Variants in NUBPL observed in about 807,000 individuals in gnomAD.
NUBPL encodes iron-sulfur cluster transfer protein NUBPL.
Under a neutral mutation model 45.7 loss-of-function variants are expected in NUBPL, and 31 were observed. The observed-to-expected ratio is 0.68, with a 90% CI of 0.51 to 0.92. The LOEUF is 0.92. Ranked by LOEUF, NUBPL falls within the 40% of genes least tolerant of loss-of-function variation. The pLI is 0.00. For missense variants in NUBPL, 401 were observed against 398.7 expected (o/e 1.01, Z -0.05); for synonymous variants, 144 against 140.9 (o/e 1.02, Z -0.15).
At chr14:31,564,913 T>C in intron 2 of NUBPL, 101 bp from the exon 3 acceptor site, 1 of 690,634 alleles carries the variant, frequency 1.4e-6, no homozygotes. Flanking sequence ...ATATTAAAAT[T>C]ACATGAAATT....
At chr14:31,729,275 TC>T (rs369958143) in intron 6 of NUBPL, among the ~76,000 whole-genome samples, 11,091 of 55,464 alleles carry the variant, frequency 0.2, 663 homozygotes, top group African/African-American at 0.26. Flanking sequence ...AGATGCTCCA[TC>T]CCCCCCCCCC....
intron 3 of NUBPL, among the ~76,000 whole-genome samples, chr14:31,593,817 A>G (rs2034212718): frequency 6.6e-6 from 1 of 152,122 alleles, no homozygotes; most frequent in Non-Finnish European, 1.5e-5. Context: ...TTTCTGGTTG[A>G]GGGAATAGCA....
intron 10 of NUBPL, among the ~76,000 whole-genome samples, chr14:31,857,357 C>T (rs2040639439): frequency 6.6e-6 from 1 of 152,140 alleles, no homozygotes; most frequent in Non-Finnish European, 1.5e-5. Context: ...GCCTCCAGAC[C>T]TGTGATGGGA....
At chr14:31,726,393 GA>G (rs2037925243) in intron 6 of NUBPL, among the ~76,000 whole-genome samples, 1 of 152,184 alleles carries the variant, frequency 6.6e-6, no homozygotes, top group Admixed American at 6.5e-5. Context: ...ATCCAAGGGT[GA>G]AAACTACTGG....
At chr14:31,740,849 C>A (rs2038267488) in intron 6 of NUBPL, among the ~76,000 whole-genome samples, 1 of 152,156 alleles carries the variant, frequency 6.6e-6, no homozygotes, top group Non-Finnish European at 1.5e-5. Context: ...CACCTTTCAA[C>A]TGAGATATAC....
intron 4 of NUBPL, among the ~76,000 whole-genome samples, chr14:31,666,251 A>G (rs1008434088): frequency 3.3e-5 from 1 of 30,378 alleles, no homozygotes; most frequent in Non-Finnish European, 7.1e-5. Context: ...ATATATATAT[A>G]TATATATATA....
intron 4 of NUBPL, among the ~76,000 whole-genome samples, chr14:31,656,956 T>A (rs1204608285): frequency 5.3e-5 from 8 of 152,238 alleles, no homozygotes; most frequent in African/African-American, 1.9e-4. Context: ...ATATGTTGAA[T>A]GAGTGAGTGA....
At chr14:31,630,190 G>T (rs2035305627) in intron 4 of NUBPL, among the ~76,000 whole-genome samples, 1 of 152,188 alleles carries the variant, frequency 6.6e-6, no homozygotes, top group African/African-American at 2.4e-5. Context: ...ATAAGGTATT[G>T]TGGTTATCAT....
chr14:31,832,649 T>C (rs1396216403), intron 8 of NUBPL, among the ~76,000 whole-genome samples: 1 of 152,212 alleles, frequency 6.6e-6, no homozygotes, highest in African/African-American at 2.4e-5. Flanking sequence ...ATTTTTGATA[T>C]TCTTTTGTGG....
chr14:31,565,194 A>G (rs1158975969), intron 3 of NUBPL, 146 bp downstream of exon 3: 19 of 520,012 alleles, frequency 3.7e-5, no homozygotes, highest in Non-Finnish European at 6.3e-5. Context: ...CAATGCTGCC[A>G]TCACTACTGG....
chr14:31,727,346 T>A (rs917778382), intron 6 of NUBPL, among the ~76,000 whole-genome samples: 1 of 152,212 alleles, frequency 6.6e-6, no homozygotes, highest in Non-Finnish European at 1.5e-5. Flanking sequence ...ATATTGTTTT[T>A]TCAGCCCCAA....
chr14:31,666,263 A>ATATATATATATATTTATTTATT lies in NUBPL; in HGVS notation c.383-7092_383-7091insTATATATATATATTTATTTATT. Among the ~76,000 whole-genome samples the ATATATATATATATTTATTTATT allele has an allele frequency of 8.2e-4, 92 of 111,806 alleles. 2 individuals are homozygous for ATATATATATATATTTATTTATT. Among genetic ancestry groups the ATATATATATATATTTATTTATT allele is most frequent in the East Asian group, 2.0e-3 (6 of 2,970 alleles). 73.3% of individuals were successfully genotyped at this position (111,806 alleles called of 152,430 possible). A position where few individuals can be genotyped will look rare whatever the true frequency, so the allele number is the denominator to read the frequency against. On this transcript the variant is annotated intron_variant, in intron 4 of 10. Coordinates refer to ENST00000281081, the MANE Select transcript of NUBPL (RefSeq NM_025152.3). Reference sequence around the variant, plus strand: ...TATATATATATATATATATATATATAATTTTATTTTATTTTTTTTGAGACG... The same window carrying ATATATATATATATTTATTTATT: ...TATATATATATATATATATATATATATATATATATATATTTATTTATTATTTTATTTTATTTTTTTTGAGACG...
intron 4 of NUBPL, among the ~76,000 whole-genome samples, chr14:31,605,912 TCTC>T (rs1402788109): frequency 2.7e-5 from 4 of 145,650 alleles, no homozygotes; most frequent in African/African-American, 1.0e-4. Context: ...TCCTTCCTTC[TCTC>T]CTCCTCCCTT....
intron 6 of NUBPL, among the ~76,000 whole-genome samples, chr14:31,724,426 C>G (rs943775698): frequency 7.1e-6 from 1 of 140,090 alleles, no homozygotes; most frequent in Admixed American, 7.6e-5. Context: ...TAATCTCATG[C>G]CACTGGCTCT....
intron 7 of NUBPL, among the ~76,000 whole-genome samples, chr14:31,790,200 T>G (rs1441356239): frequency 2.0e-5 from 3 of 152,210 alleles, no homozygotes; most frequent in Admixed American, 1.3e-4. Flanking sequence ...TCCACTTACT[T>G]TTCTTTAAGC....
chr14:31,857,775 C>T (rs1233826864), intron 10 of NUBPL, among the ~76,000 whole-genome samples: 1 of 152,152 alleles, frequency 6.6e-6, no homozygotes, highest in Non-Finnish European at 1.5e-5. Context: ...TTAGCCTGGA[C>T]CTTATTGTTC....
chr14:31,600,106 C>A (rs1431762343), intron 4 of NUBPL, among the ~76,000 whole-genome samples: 2 of 151,554 alleles, frequency 1.3e-5, no homozygotes, highest in African/African-American at 4.8e-5. Flanking sequence ...ATTTTTAGTA[C>A]AGATGGGGTT....
intron 3 of NUBPL, among the ~76,000 whole-genome samples, chr14:31,588,400 A>G (rs1416701188): frequency 7.6e-6 from 1 of 131,266 alleles, no homozygotes; most frequent in East Asian, 2.3e-4. Flanking sequence ...AAAATCCTAT[A>G]AATTAGATCT....
intron 7 of NUBPL, among the ~76,000 whole-genome samples, chr14:31,820,555 G>C (rs1379067078): frequency 6.6e-6 from 1 of 152,178 alleles, no homozygotes; most frequent in Non-Finnish European, 1.5e-5. Context: ...CGTGTGCGGT[G>C]GTGCACGCCT....
Sources: allele counts gnomAD v4.1 joint callset (sites outside exome capture counted in the v4.1 genomes callset), GRCh38; gene constraint gnomAD v4.1.1; transcripts MANE v1.5; gene names NCBI Gene and HGNC (gene_info 2026-07-23, HGNC 2026-07-21).